LRRC7: variants seen among roughly 807,000 people sequenced by gnomAD.
LRRC7 encodes the protein leucine-rich repeat-containing protein 7.
LRRC7 carries 23 observed loss-of-function variants against 175.7 expected under a neutral mutation model. The ratio of observed to expected loss-of-function variants is 0.13; its 90% confidence interval spans 0.09 to 0.19. LRRC7 has a LOEUF of 0.19. Ranked by LOEUF, LRRC7 falls within the 10% of genes least tolerant of loss-of-function variation. The pLI is 1.00. For synonymous variants in LRRC7, 685 were observed against 680.9 expected, an observed-to-expected ratio of 1.01 and a Z score of -0.09; for missense variants, 1,354 against 1,904.7, an observed-to-expected ratio of 0.71 and a Z score of 5.38.
chr1:69,916,414 T>C (rs551646767), intron 7 of LRRC7, among the ~76,000 whole-genome samples: 1 of 150,458 alleles, frequency 6.6e-6, no homozygotes, highest in East Asian at 1.9e-4. Flanking sequence ...AAAAACCTAT[T>C]ATTGGAAATG....
chr1:69,825,752 A>C lies in LRRC7; in HGVS notation c.426A>C (p.Val142=), dbSNP rs532747977. The C allele has an allele frequency of 7.5e-6, 12 of 1,600,272 alleles. No individual in the cohort carries two copies. In the South Asian group the frequency reaches 1.4e-4, roughly 18 times the overall value. ...LKELDISKNG[V]QEFPENIKCC... ...TTTGTTTTTTTCACATTTTAGGTGT[A>C]CAAGAATTTCCAGAAAACATAAAGT... Residue 142 remains valine (V), a synonymous_variant, in exon 5 of 27, where the codon GTA becomes GTC. Coordinates refer to ENST00000651989, the MANE Select transcript of LRRC7 (RefSeq NM_001370785.2).
chr1:69,968,622 G>A lies in LRRC7; in HGVS notation c.712-11757G>A, dbSNP rs192676134. On this transcript the variant is annotated intron_variant, in intron 8 of 26. Coordinates refer to ENST00000651989, the MANE Select transcript of LRRC7 (RefSeq NM_001370785.2). The stretch of plus-strand genomic sequence containing the variant: ...AGATTTCTCAGCAGAAACCCTACAA[G>A]CTAGAAGGGTTTGGGGTCCTATCTT... Among the ~76,000 whole-genome samples the A allele has an allele frequency of 4.1e-3, 629 of 152,206 alleles. 4 individuals carry two copies. Among genetic ancestry groups the A allele is most frequent in the Non-Finnish European group, 7.4e-3 (502 of 68,006 alleles).
chr1:69,756,876 A>G (rs1670487756), intron 2 of LRRC7, among the ~76,000 whole-genome samples: 1 of 151,964 alleles, frequency 6.6e-6, no homozygotes, highest in Admixed American at 6.6e-5. Context: ...ACCACTCCAG[A>G]CTAAATCAAA....
In LRRC7 at chr1:69,696,030, C is replaced by A. The variant is rs78771496; in HGVS notation, c.100+17552C>A. On this transcript the variant is annotated intron_variant, in intron 2 of 26. Coordinates refer to ENST00000651989, the MANE Select transcript of LRRC7 (RefSeq NM_001370785.2). Reference sequence around the variant, plus strand: ...ACTGGAGCACTGCCTAGTGGAGCTGCGGGAATTGGGCCACTGCCCTCCAGA... The same window carrying A: ...ACTGGAGCACTGCCTAGTGGAGCTGAGGGAATTGGGCCACTGCCCTCCAGA... Among the ~76,000 whole-genome samples, 46 of 152,204 alleles carry A rather than the reference C, an allele frequency of 3.0e-4. 1 individual carries two copies. The South Asian group carries it at 9.1e-3, about 30-fold the overall frequency.
intron 1 of LRRC7, among the ~76,000 whole-genome samples, chr1:69,673,279 A>G (rs1294052669): frequency 3.3e-5 from 5 of 152,228 alleles, no homozygotes; most frequent in African/African-American, 1.2e-4. Flanking sequence ...GGGAGACACC[A>G]TCAAGAATGT....
chr1:69,599,180 G>C (rs889048158), intron 1 of LRRC7, among the ~76,000 whole-genome samples: 60 of 151,992 alleles, frequency 3.9e-4, no homozygotes, highest in African/African-American at 1.4e-3. Context: ...ATAGGTCTAG[G>C]ATCACAGAAG....
chr1:69,648,832 A>C (rs1655370308), intron 1 of LRRC7, among the ~76,000 whole-genome samples: 1 of 152,216 alleles, frequency 6.6e-6, no homozygotes, highest in Non-Finnish European at 1.5e-5. Flanking sequence ...ACTTTTAGTA[A>C]CACTGTGAGA....
intron 1 of LRRC7, among the ~76,000 whole-genome samples, chr1:69,626,012 G>A (rs2100345239): frequency 1.7e-5 from 1 of 60,284 alleles, no homozygotes; most frequent in Non-Finnish European, 3.3e-5. Context: ...CTTGTTCAAT[G>A]AAAATTTCTC....
At chr1:69,570,423 C>T (rs1168938105) in intron 1 of LRRC7, among the ~76,000 whole-genome samples, 3 of 151,788 alleles carry the variant, frequency 2.0e-5, no homozygotes, top group Non-Finnish European at 4.4e-5. Context: ...CTTTTTTTAC[C>T]GCCCACCCTT....
rs1666618302 is a variant in LRRC7 at position 70,130,478 on chromosome 1, C to T, written c.*8591C>T. The stretch of plus-strand genomic sequence containing the variant: ...ATCTTCTCAGTTGACTCAAAATTCC[C>T]AGTTAAAAAAAATTTCTCCTTTTTA... On this transcript the variant is annotated 3_prime_UTR_variant, in exon 27 of 27. Coordinates refer to ENST00000651989, the MANE Select transcript of LRRC7 (RefSeq NM_001370785.2). 6.6e-6 allele frequency among the ~76,000 whole-genome samples: 1 copy of T among 152,096 alleles called. No homozygotes were observed. The highest frequency in any genetic ancestry group is 2.4e-5 in the African/African-American group (1 of 41,406).
chr1:69,676,174 T>A (rs1322234677), intron 1 of LRRC7, among the ~76,000 whole-genome samples: 2 of 152,010 alleles, frequency 1.3e-5, no homozygotes, highest in African/African-American at 4.8e-5. Flanking sequence ...AAAGCCTTTT[T>A]ATCTCATATT....
At chr1:70,067,694 G>T (rs1662081096) in intron 23 of LRRC7, among the ~76,000 whole-genome samples, 3 of 151,962 alleles carry the variant, frequency 2.0e-5, no homozygotes, top group Admixed American at 6.6e-5. Flanking sequence ...AATTAAACTG[G>T]TATATCAATT....
intron 22 of LRRC7, among the ~76,000 whole-genome samples, chr1:70,044,840 G>A (rs1266007242): frequency 6.6e-6 from 1 of 152,082 alleles, no homozygotes; most frequent in Non-Finnish European, 1.5e-5. Context: ...TTACATTTTA[G>A]TGGAAACCAA....
At chr1:70,068,165 G>A (rs1280988551) in intron 23 of LRRC7, among the ~76,000 whole-genome samples, 1 of 152,138 alleles carries the variant, frequency 6.6e-6, no homozygotes, top group African/African-American at 2.4e-5. Flanking sequence ...TAGTGAGAGT[G>A]TACATTTACG....
intron 1 of LRRC7, among the ~76,000 whole-genome samples, chr1:69,605,834 T>C (rs1269449816): frequency 6.6e-6 from 1 of 152,084 alleles, no homozygotes; most frequent in Admixed American, 6.6e-5. Flanking sequence ...TTATTTAGAA[T>C]GAAAATCTAC....
intron 2 of LRRC7, among the ~76,000 whole-genome samples, chr1:69,717,948 GAAAGAA>G (rs1665772694): frequency 1.0e-5 from 1 of 100,218 alleles, no homozygotes; most frequent in Non-Finnish European, 2.0e-5. Flanking sequence ...AAGAAAGAAA[GAAAGAA>G]AGAAGAAAAA....
chr1:69,658,097 A>C (rs1358979376), intron 1 of LRRC7, among the ~76,000 whole-genome samples: 1 of 151,902 alleles, frequency 6.6e-6, no homozygotes, highest in Non-Finnish European at 1.5e-5. Context: ...GATGTAATAC[A>C]AAAAAACTAG....
At position 70,142,862 on chromosome 1, in the gene LRRC7, G is replaced by C. The variant is rs1350715233; in HGVS notation, c.*20975G>C. 6.6e-5 allele frequency: 10 copies of C among 152,032 alleles called. No homozygotes were observed. Among genetic ancestry groups the C allele is most frequent in the African/African-American group, 2.4e-4 (10 of 41,498 alleles). The allele number at this position is 152,032 out of a possible 1,614,324, so 9.4% of individuals were successfully genotyped here. ...GGTAGGTTTTCAGATGGTTTGTTAA[G>C]AATTATATGTAAAAGGATACTAGAT... On this transcript the variant is annotated 3_prime_UTR_variant, in exon 27 of 27. Coordinates refer to ENST00000651989, the MANE Select transcript of LRRC7 (RefSeq NM_001370785.2).
chr1:69,578,674 C>G (rs952829450), intron 1 of LRRC7, among the ~76,000 whole-genome samples: 1 of 151,348 alleles, frequency 6.6e-6, no homozygotes, highest in Admixed American at 6.6e-5. Flanking sequence ...TCATCATTCT[C>G]AGTAAACTAT....
Sources: gnomAD v4.1 joint callset for allele counts (sites outside exome capture counted in the v4.1 genomes callset) on GRCh38, gnomAD v4.1.1 for gene constraint, MANE v1.5 for transcripts, NCBI Gene and HGNC (gene_info 2026-07-23, HGNC 2026-07-21) for gene names.